The following FAAH2 variants were observed in gnomAD, a reference collection of about 807,000 sequenced individuals.
The protein encoded by FAAH2 is fatty-acid amide hydrolase 2.
Under a neutral mutation model 36.9 loss-of-function variants are expected in FAAH2, and 60 were observed. That is an observed-to-expected ratio of 1.63 (90% CI 1.32 to 2.02). The LOEUF (loss-of-function observed/expected upper bound fraction) is 2.02. FAAH2 is among the 30% of genes most tolerant of loss of function. The pLI, the probability that FAAH2 is intolerant of heterozygous loss-of-function variation, is 0.00. For synonymous variants in FAAH2, 214 were observed against 143.8 expected, an observed-to-expected ratio of 1.49 and a Z score of -3.49; for missense variants, 689 against 397.5, an observed-to-expected ratio of 1.73 and a Z score of -6.23.
chrX:57,238,296 C>A, the FAAH2 span, among the ~76,000 whole-genome samples: 1 of 112,092 alleles, frequency 8.9e-6, no homozygotes, highest in Non-Finnish European at 1.9e-5. Context: ...TAAATATACA[C>A]CATGGAATAC....
At chrX:57,434,376 C>T in intron 8 of FAAH2, among the ~76,000 whole-genome samples, 1 of 109,920 alleles carries the variant, frequency 9.1e-6, no homozygotes, top group Non-Finnish European at 1.9e-5. Flanking sequence ...ACACCTGGAC[C>T]TTAAATGGAA....
At chrX:57,178,178 C>G in the FAAH2 span, among the ~76,000 whole-genome samples, 1 of 111,645 alleles carries the variant, frequency 9.0e-6, no homozygotes, top group African/African-American at 3.3e-5. Flanking sequence ...TGGAGATTTT[C>G]TTGGTTATTA....
At chrX:57,227,163 G>T in the FAAH2 span, among the ~76,000 whole-genome samples, 1 of 111,117 alleles carries the variant, frequency 9.0e-6, no homozygotes, top group African/African-American at 3.3e-5. Flanking sequence ...GTAAATCAGA[G>T]ATTTCTTCTT....
chrX:57,398,815 G>A (rs914463126), intron 7 of FAAH2, among the ~76,000 whole-genome samples: 1 of 111,483 alleles, frequency 9.0e-6, no homozygotes, highest in East Asian at 2.8e-4. Flanking sequence ...AAAGGTGGGT[G>A]CGGTCACCTT....
At chrX:57,272,687 T>C in the FAAH2 span, among the ~76,000 whole-genome samples, 11 of 112,081 alleles carry the variant, frequency 9.8e-5, no homozygotes, top group Admixed American at 3.8e-4. Flanking sequence ...AATAAAATCC[T>C]TTACAGGCAA....
chrX:57,284,093 C>G (rs2051778151), upstream of FAAH2, among the ~76,000 whole-genome samples: 1 of 112,074 alleles, frequency 8.9e-6, no homozygotes, highest in South Asian at 3.7e-4. Flanking sequence ...CTTGCCTGCT[C>G]CCTCTGGGAG....
chrX:57,162,102 T>C, the FAAH2 span, among the ~76,000 whole-genome samples: 1 of 111,598 alleles, frequency 9.0e-6, no homozygotes, highest in Admixed American at 9.5e-5. Flanking sequence ...AAATATTTTA[T>C]TTCTCCTTTG....
chrX:57,473,878 G>A (rs1340332552), intron 10 of FAAH2, among the ~76,000 whole-genome samples: 6 of 110,984 alleles, frequency 5.4e-5, no homozygotes, highest in East Asian at 5.7e-4. Context: ...TTTTTCCACC[G>A]TTTTACTTTG....
the FAAH2 span, among the ~76,000 whole-genome samples, chrX:57,236,425 C>G: frequency 8.9e-6 from 1 of 112,265 alleles, no homozygotes; most frequent in Non-Finnish European, 1.9e-5. Context: ...GCAGTGTTTT[C>G]CATAATGGCC....
chrX:57,416,934 TC>T (rs1438867737), intron 7 of FAAH2, among the ~76,000 whole-genome samples: 3 of 112,158 alleles, frequency 2.7e-5, no homozygotes, highest in Middle Eastern at 4.6e-3. Context: ...CTTTCTTCAT[TC>T]TTTTTTTTTC....
chrX:57,386,590 T>C (rs2055029802), intron 7 of FAAH2, among the ~76,000 whole-genome samples: 1 of 112,037 alleles, frequency 8.9e-6, no homozygotes, highest in Non-Finnish European at 1.9e-5. Context: ...CTTCCTGTTC[T>C]GTAGCTTTAG....
chrX:57,282,113 ATTC>A (rs2051760476), upstream of FAAH2, among the ~76,000 whole-genome samples: 1 of 112,146 alleles, frequency 8.9e-6, no homozygotes, highest in Non-Finnish European at 1.9e-5. Flanking sequence ...TCAAATGGTA[ATTC>A]TTCTTTCAGT....
At chrX:57,146,983 A>G in the FAAH2 span, among the ~76,000 whole-genome samples, 11 of 110,882 alleles carry the variant, frequency 9.9e-5, no homozygotes, top group Admixed American at 1.1e-3. Context: ...TTTGTTAAGG[A>G]TTTTTGTATC....
intron 10 of FAAH2, among the ~76,000 whole-genome samples, chrX:57,467,257 G>A (rs768105129): frequency 9.9e-5 from 11 of 110,895 alleles, no homozygotes; most frequent in Admixed American, 1.9e-4. Flanking sequence ...GTGGGTGCAG[G>A]ACAGCGGGTG....
chrX:57,433,787 TTC>T (rs2056352722), intron 8 of FAAH2, among the ~76,000 whole-genome samples: 1 of 112,503 alleles, frequency 8.9e-6, no homozygotes, highest in Non-Finnish European at 1.9e-5. Context: ...TAACATTTAT[TTC>T]TTTTTATACT....
At chrX:57,189,972 G>A in the FAAH2 span, among the ~76,000 whole-genome samples, 18 of 112,257 alleles carry the variant, frequency 1.6e-4, no homozygotes, top group Non-Finnish European at 3.0e-4. Flanking sequence ...TAGCATGCAG[G>A]AAAGTTTAAG....
chrX:57,400,774 A>G (rs1225237417), intron 7 of FAAH2, among the ~76,000 whole-genome samples: 1 of 112,258 alleles, frequency 8.9e-6, no homozygotes, highest in Admixed American at 9.4e-5. Flanking sequence ...CTGTTAGCTG[A>G]GCTGAGCCTT....
intron 5 of FAAH2, among the ~76,000 whole-genome samples, chrX:57,361,257 C>CT (rs779394318): frequency 1.1e-4 from 12 of 110,949 alleles, no homozygotes; most frequent in East Asian, 5.7e-4. Flanking sequence ...TATGTAAATA[C>CT]TTTTTTTTAG....
chrX:57,419,233 A>G (rs1353460034), intron 7 of FAAH2, among the ~76,000 whole-genome samples: 1 of 111,060 alleles, frequency 9.0e-6, no homozygotes, highest in Non-Finnish European at 1.9e-5. Context: ...GTATATACCC[A>G]GTAATGGGAT....
Sources: gnomAD v4.1 joint callset for allele counts (sites outside exome capture counted in the v4.1 genomes callset) on GRCh38, gnomAD v4.1.1 for gene constraint, MANE v1.5 for transcripts, NCBI Gene and HGNC (gene_info 2026-07-23, HGNC 2026-07-21) for gene names.